PCSK5: variants seen among roughly 807,000 people sequenced by gnomAD.
PCSK5 encodes proprotein convertase subtilisin/kexin type 5.
Under a neutral mutation model 233.2 loss-of-function variants are expected in PCSK5, and 129 were observed. That is an observed-to-expected ratio of 0.55 (90% CI 0.48 to 0.64). PCSK5 has a LOEUF of 0.64. Among genes scored for constraint, PCSK5 ranks in the 30% least tolerant of loss-of-function variants. The pLI, the probability that PCSK5 is intolerant of heterozygous loss-of-function variation, is 0.00. For synonymous variants in PCSK5, 825 were observed against 879.2 expected (o/e 0.94, Z 1.09); for missense variants, 2,076 against 2,430.1 (o/e 0.85, Z 3.06).
chr9:76,179,536 G>T lies in PCSK5; in HGVS notation c.1901-60G>T, dbSNP rs573231792. 3.3e-4 allele frequency: 408 copies of T among 1,232,254 alleles called. 4 individuals are homozygous for T. In the South Asian group the frequency reaches 4.7e-3, roughly 14 times the overall value. 76.3% of individuals were successfully genotyped at this position (1,232,254 alleles called of 1,614,324 possible). On this transcript the variant is annotated intron_variant, in intron 14 of 37. Coordinates refer to ENST00000674117, the MANE Select transcript of PCSK5 (RefSeq NM_001372043.1). ...GTCTTATTTTTATACCAAATTCAAG[G>T]TAAAGCTGACCTGCTCTAAAATCAT...
At chr9:76,205,134 T>C (rs1825061303) in intron 20 of PCSK5, 2 of 518,996 alleles carry the variant, frequency 3.9e-6, no homozygotes, top group African/African-American at 3.8e-5. Context: ...GATCTCATTG[T>C]CAGGTATTTT....
At chr9:75,907,854 A>T (rs1450373599) in intron 1 of PCSK5, among the ~76,000 whole-genome samples, 1 of 152,232 alleles carries the variant, frequency 6.6e-6, no homozygotes, top group East Asian at 1.9e-4. Context: ...GGAAGTAGCA[A>T]AAACAGTCAG....
chr9:76,292,298 T>C (rs776482185), intron 25 of PCSK5, 23 bp downstream of exon 25: 3 of 1,474,076 alleles, frequency 2.0e-6, no homozygotes, highest in African/African-American at 2.8e-5. Flanking sequence ...TTCCTTTTCA[T>C]GGCACTAACT....
chr9:76,031,545 C>T (rs1828651874), intron 5 of PCSK5, among the ~76,000 whole-genome samples: 1 of 152,014 alleles, frequency 6.6e-6, no homozygotes, highest in Non-Finnish European at 1.5e-5. Context: ...AATAAATAGC[C>T]AGGTGTGGTG....
At chr9:76,147,267 C>A (rs1823477898) in intron 10 of PCSK5, among the ~76,000 whole-genome samples, 1 of 152,162 alleles carries the variant, frequency 6.6e-6, no homozygotes, top group Non-Finnish European at 1.5e-5. Context: ...TTTATCTTCT[C>A]AAAATGTTTC....
chr9:76,216,601 A>G (rs771686798), intron 20 of PCSK5, among the ~76,000 whole-genome samples: 1 of 152,136 alleles, frequency 6.6e-6, no homozygotes, highest in Non-Finnish European at 1.5e-5. Flanking sequence ...TTGGTTTAAG[A>G]TGCCCACAAT....
intron 20 of PCSK5, among the ~76,000 whole-genome samples, chr9:76,226,287 G>A (rs768887711): frequency 1.4e-4 from 22 of 152,092 alleles, no homozygotes; most frequent in Non-Finnish European, 2.8e-4. Context: ...GTCATCTTTG[G>A]GGTTTAGTGC....
chr9:76,267,229 A>G (rs923552557), intron 24 of PCSK5, among the ~76,000 whole-genome samples: 2 of 152,198 alleles, frequency 1.3e-5, no homozygotes, highest in African/African-American at 4.8e-5. Context: ...TTCCCATGCC[A>G]GAGAGAAGGA....
chr9:75,975,973 A>G (rs1825997721), intron 2 of PCSK5, among the ~76,000 whole-genome samples: 1 of 152,154 alleles, frequency 6.6e-6, no homozygotes, highest in African/African-American at 2.4e-5. Flanking sequence ...TTAAGACTGC[A>G]TTTAATCAAA....
At position 76,292,240 on chromosome 9, in the gene PCSK5, AG is replaced by A; in HGVS notation, c.3152del (p.Gly1051GlufsTer57). 1 of 1,567,376 alleles carries A rather than the reference AG, an allele frequency of 6.4e-7. No homozygotes were observed. The highest frequency in any genetic ancestry group is 8.8e-7 in the Non-Finnish European group (1 of 1,139,914). ...ATTATTTTTTTTTTCCAGATGATCC[AG>A]GAACATGTACATCTTGCGCTATGGG... is the stretch of plus-strand genomic sequence containing the variant. ...GCLGCSLDDP[G>X]TCTSCAMGYY... is the part of the protein sequence containing the mutation. On this transcript the variant is annotated frameshift_variant, in exon 25 of 38. Transcript: ENST00000674117. LOFTEE classifies it high-confidence loss of function.
intron 24 of PCSK5, among the ~76,000 whole-genome samples, chr9:76,267,802 A>G (rs1827381795): frequency 6.6e-6 from 1 of 152,178 alleles, no homozygotes; most frequent in Non-Finnish European, 1.5e-5. Context: ...TTACTGTGGC[A>G]TCAAAACAAT....
intron 3 of PCSK5, among the ~76,000 whole-genome samples, chr9:75,994,135 C>T (rs936633025): frequency 2.6e-5 from 4 of 152,188 alleles, no homozygotes; most frequent in East Asian, 1.9e-4. Context: ...TTTTCCGAAC[C>T]AAATTCATGA....
intron 2 of PCSK5, among the ~76,000 whole-genome samples, chr9:75,952,972 T>C (rs2131328194): frequency 6.6e-6 from 1 of 152,314 alleles, no homozygotes; most frequent in East Asian, 1.9e-4. Context: ...TCCAGGGGTA[T>C]GAACTCTGTG....
intron 24 of PCSK5, among the ~76,000 whole-genome samples, chr9:76,248,477 G>A (rs1392783209): frequency 2.0e-5 from 3 of 152,090 alleles, no homozygotes; most frequent in Non-Finnish European, 4.4e-5. Flanking sequence ...AAACAGTTCA[G>A]CTGTCATGTA....
intron 24 of PCSK5, among the ~76,000 whole-genome samples, chr9:76,275,562 T>G (rs370804568): frequency 6.6e-6 from 1 of 152,104 alleles, no homozygotes; most frequent in East Asian, 1.9e-4. Context: ...GTAGCTAGGA[T>G]TACAGGCATG....
chr9:76,289,015 T>G (rs771825977), intron 24 of PCSK5, among the ~76,000 whole-genome samples: 2 of 152,144 alleles, frequency 1.3e-5, no homozygotes, highest in African/African-American at 2.4e-5. Context: ...AATGTCTCCA[T>G]GGGACAGTGA....
At chr9:76,142,593 ATTAT>A (rs1272189429) in intron 10 of PCSK5, among the ~76,000 whole-genome samples, 1 of 152,190 alleles carries the variant, frequency 6.6e-6, no homozygotes, top group Non-Finnish European at 1.5e-5. Context: ...CTTAAGTAAA[ATTAT>A]TTATGAGCTA....
At chr9:76,273,115 A>G (rs1299126933) in intron 24 of PCSK5, among the ~76,000 whole-genome samples, 4 of 152,176 alleles carry the variant, frequency 2.6e-5, no homozygotes, top group Non-Finnish European at 4.4e-5. Context: ...CTCTCTCTAC[A>G]TGAATGCCTT....
intron 20 of PCSK5, 150 bp from the exon 21 acceptor site, chr9:76,227,353 G>A: frequency 1.6e-6 from 1 of 618,924 alleles, no homozygotes. Context: ...CAGGATTTGG[G>A]ACTAGCAGCT....
Sources: gnomAD v4.1 joint callset for allele counts (sites outside exome capture counted in the v4.1 genomes callset) on GRCh38, gnomAD v4.1.1 for gene constraint, MANE v1.5 for transcripts, NCBI Gene and HGNC (gene_info 2026-07-23, HGNC 2026-07-21) for gene names.